DGKD: variants seen among roughly 807,000 people sequenced by gnomAD.
The protein encoded by DGKD is diacylglycerol kinase delta, also known as DAG kinase delta.
Under a neutral mutation model 154.4 loss-of-function variants are expected in DGKD, and 68 were observed. The observed-to-expected ratio is 0.44, with a 90% confidence interval of 0.36 to 0.54. The LOEUF (loss-of-function observed/expected upper bound fraction) is 0.54, where lower values mean the gene tolerates loss of function less well. DGKD is among the 20% of genes least tolerant of loss of function. The pLI, the probability that DGKD is intolerant of heterozygous loss-of-function variation, is 0.00. For missense variants in DGKD, 1,343 were observed against 1,593.6 expected, an observed-to-expected ratio of 0.84 and a Z score of 2.68; for synonymous variants, 693 against 638.0, an observed-to-expected ratio of 1.09 and a Z score of -1.30.
At position 233,457,069 on chromosome 2, in the gene DGKD, C is replaced by A; in HGVS notation, c.2472+74C>A. 1.4e-6 allele frequency: 2 copies of A among 1,392,558 alleles called. No individual in the cohort carries two copies. Among genetic ancestry groups the A allele is most frequent in the South Asian group, 1.2e-5 (1 of 86,288 alleles). 86.3% of individuals were successfully genotyped at this position (1,392,558 alleles called of 1,614,324 possible). A position where few individuals can be genotyped will look rare whatever the true frequency, so the allele number is the denominator to read the frequency against. On this transcript the variant is annotated intron_variant, in intron 20 of 29. Coordinates refer to ENST00000264057, the MANE Select transcript of DGKD (RefSeq NM_152879.3). The surrounding 1 kb of genome is among the most constrained non-coding windows in gnomAD (Gnocchi z 5.5). The stretch of plus-strand genomic sequence containing the variant: ...CAGACTGCCAGGCCTATTGCTTCTC[C>A]TGTTGACCATTTCCTCCATGCACAG...
In DGKD at chr2:233,445,240, G is replaced by T. The variant is rs1037168545; in HGVS notation, c.1195-383G>T. ...TGTAGTGGATGGAGGGACGGGTGGCGAGGCATCAGAGTGATTCCTTGGGGC... is the reference window on the plus strand; with the variant it reads ...TGTAGTGGATGGAGGGACGGGTGGCTAGGCATCAGAGTGATTCCTTGGGGC... On this transcript the variant is annotated intron_variant, in intron 10 of 29. Coordinates refer to ENST00000264057, the MANE Select transcript of DGKD (RefSeq NM_152879.3). The surrounding 1 kb of genome is among the most constrained non-coding windows in gnomAD (Gnocchi z 5.5). Among the ~76,000 whole-genome samples the T allele has an allele frequency of 6.6e-6, 1 of 152,028 alleles. No individual in the cohort carries two copies. Among genetic ancestry groups the T allele is most frequent in the Admixed American group, 6.5e-5 (1 of 15,268 alleles).
intron 1 of DGKD, among the ~76,000 whole-genome samples, chr2:233,384,701 C>T (rs1703081355): frequency 6.6e-6 from 1 of 152,190 alleles, no homozygotes; most frequent in Non-Finnish European, 1.5e-5. Flanking sequence ...AGACTCTTGT[C>T]ATCAGCTCCC....
rs2063752288 is a variant in DGKD at position 233,464,091 on chromosome 2, CA to C, written c.3187-72del. The C allele has an allele frequency of 6.3e-6, 10 of 1,594,156 alleles. No individual in the cohort carries two copies. The Admixed American group carries it at 1.7e-4, about 27-fold the overall frequency. On this transcript the variant is annotated intron_variant, in intron 26 of 29. Transcript: ENST00000264057. ...CAGAGCAGAGCCCTGGAGCGGACCT[CA>C]CCCCCCTGGGCCTCGCGCTGATCAG... is the stretch of plus-strand genomic sequence containing the variant.
At chr2:233,363,995 C>T (rs1189474603) in intron 1 of DGKD, among the ~76,000 whole-genome samples, 1 of 152,094 alleles carries the variant, frequency 6.6e-6, no homozygotes, top group Non-Finnish European at 1.5e-5. Flanking sequence ...CGTTGAAAAC[C>T]ATAGATGAAG....
In DGKD at chr2:233,459,823, T is replaced by C; in HGVS notation, c.2761T>C (p.Trp921Arg). The change falls in exon 23 of 30, where the codon TGG becomes CGG. Residue 921 changes from tryptophan (W) to arginine (R), a missense_variant. This residue lies in a region of DGKD where 429 missense variants were observed against 496.3 expected (regional missense o/e 0.86). Transcript: ENST00000264057. The surrounding 1 kb of genome is among the most constrained non-coding windows in gnomAD (Gnocchi z 5.7). ...GCCTGTGCAGGTGGACGGAGAGGCC[T>C]GGGTCCAGCCGCCAGGGTACATTCG... Reference protein sequence around the residue: ...GVPVQVDGEAWVQPPGYIRIV... With the variant: ...GVPVQVDGEARVQPPGYIRIV... 2 of 1,614,050 alleles carry C rather than the reference T, an allele frequency of 1.2e-6. No individual in the cohort carries two copies. The highest frequency in any genetic ancestry group is 1.7e-6 in the Non-Finnish European group (2 of 1,180,002).
At chr2:233,426,430 G>A (rs573984680) in intron 3 of DGKD, among the ~76,000 whole-genome samples, 23 of 152,322 alleles carry the variant, frequency 1.5e-4, no homozygotes, top group African/African-American at 5.1e-4. Context: ...CGACCACGGA[G>A]AACACTGCAG....
chr2:233,442,196 G>A (rs756426842), intron 10 of DGKD: 3 of 688,436 alleles, frequency 4.4e-6, no homozygotes, highest in Non-Finnish European at 8.0e-6. Flanking sequence ...GGAGGCCCGG[G>A]GGCTCTGGCC....
At chr2:233,426,934 T>TCC (rs1217878516) in intron 3 of DGKD, among the ~76,000 whole-genome samples, 1 of 152,174 alleles carries the variant, frequency 6.6e-6, no homozygotes, top group Middle Eastern at 3.2e-3. Flanking sequence ...GAGCACCGGG[T>TCC]CATGTGCTTT....
chr2:233,421,034 C>T (rs138889836), intron 3 of DGKD, among the ~76,000 whole-genome samples: 4 of 152,252 alleles, frequency 2.6e-5, no homozygotes, highest in African/African-American at 4.8e-5. Context: ...GCAGTGGTCA[C>T]GTATGAGTGA....
Position 233,451,951 on chromosome 2 carries a change from ATC to A in DGKD, c.2168-10_2168-9del. 1 of 1,613,264 alleles carries A rather than the reference ATC, an allele frequency of 6.2e-7. No homozygotes were observed. The highest frequency in any genetic ancestry group is 2.2e-5 in the East Asian group (1 of 44,874). On this transcript the variant is annotated splice_polypyrimidine_tract_variant and intron_variant, in intron 17 of 29. Coordinates refer to ENST00000264057, the MANE Select transcript of DGKD (RefSeq NM_152879.3). The stretch of plus-strand genomic sequence containing the variant: ...CTGACCAGCACCACCTCTTTCTTGT[ATC>A]TCCTTTACAGATGTCCGGGCTGGAA...
In DGKD at chr2:233,438,498, C is replaced by A. The variant is rs2062773338; in HGVS notation, c.1085+119C>A. 3 of 1,258,680 alleles carry A rather than the reference C, an allele frequency of 2.4e-6. No individual in the cohort carries two copies. In the South Asian group the frequency reaches 4.7e-5, roughly 20 times the overall value. 78.0% of individuals were successfully genotyped at this position (1,258,680 alleles called of 1,614,324 possible). A position where few individuals can be genotyped will look rare whatever the true frequency, so the allele number is the denominator to read the frequency against. Reference sequence around the variant, plus strand: ...CTTTAAATAGGAAAGAAAAGTTGAACTGCTTCCTTCCCAAATTGCACTTGC... The same window carrying A: ...CTTTAAATAGGAAAGAAAAGTTGAAATGCTTCCTTCCCAAATTGCACTTGC... On this transcript the variant is annotated intron_variant, in intron 9 of 29. Coordinates refer to ENST00000264057, the MANE Select transcript of DGKD (RefSeq NM_152879.3). This position sits in a 1 kb window ranked among gnomAD's most constrained non-coding sequence, Gnocchi z 4.1.
chr2:233,436,336 G>C lies in DGKD; in HGVS notation c.714G>C (p.Trp238Cys). 1 of 1,614,242 alleles carries C rather than the reference G, an allele frequency of 6.2e-7. No homozygotes were observed. Among genetic ancestry groups the C allele is most frequent in the Non-Finnish European group, 8.5e-7 (1 of 1,180,040 alleles). The change falls in exon 7 of 30, where the codon TGG becomes TGC. Residue 238 changes from tryptophan to cysteine, a missense_variant. Transcript: ENST00000264057. ...DADGIAMPHQ[W>C]LEGNLPVSAK... ...TGCAGATTGCAATGCCCCACCAGTG[G>C]TTGGAAGGAAACCTACCTGTGAGCG...
chr2:233,396,187 C>CA lies in DGKD; in HGVS notation c.348+5705dup, dbSNP rs535149612. 7.0e-3 allele frequency among the ~76,000 whole-genome samples: 1,071 copies of CA among 152,290 alleles called. 7 individuals carry two copies. The highest frequency in any genetic ancestry group is 0.012 in the Non-Finnish European group (826 of 68,024). On this transcript the variant is annotated intron_variant, in intron 3 of 29. Transcript: ENST00000264057. ...TTGAAGGCATTTCTGCTCGGAGACT[C>CA]AGAGTTGCCTTCTCTCTTGTGCAAT...
intron 19 of DGKD, among the ~76,000 whole-genome samples, chr2:233,455,291 C>G (rs897420958): frequency 7.9e-5 from 12 of 152,250 alleles, no homozygotes; most frequent in African/African-American, 2.9e-4. Flanking sequence ...AGCCTGCCCA[C>G]AAGGCCCTTG....
At chr2:233,455,581 G>A (rs1478168885) in intron 19 of DGKD, among the ~76,000 whole-genome samples, 1 of 152,244 alleles carries the variant, frequency 6.6e-6, no homozygotes, top group East Asian at 1.9e-4. Flanking sequence ...GAACTACAGA[G>A]AGGGAGAAAT....
At chr2:233,377,608 A>G (rs1040526854) in intron 1 of DGKD, among the ~76,000 whole-genome samples, 2 of 152,214 alleles carry the variant, frequency 1.3e-5, no homozygotes, top group African/African-American at 4.8e-5. Context: ...AGCCTTGTAC[A>G]AACTTTTTTT....
At position 233,388,338 on chromosome 2, in the gene DGKD, C is replaced by A. The variant is rs777123239; in HGVS notation, c.238C>A (p.Arg80=). Residue 80 remains arginine, a synonymous_variant, in exon 2 of 30, where the codon CGA becomes AGA. Coordinates refer to ENST00000264057, the MANE Select transcript of DGKD (RefSeq NM_152879.3). ...SKRRYFKLRG[R]TLYYAKTAKS... ...AAGGAGATACTTTAAGCTTCGAGGG[C>A]GAACGCTTTACTATGCCAAAACGGC... 1.9e-6 allele frequency: 3 copies of A among 1,613,926 alleles called. No homozygotes were observed. Among genetic ancestry groups the A allele is most frequent in the Non-Finnish European group, 2.5e-6 (3 of 1,179,930 alleles).
At chr2:233,357,533 C>CTT (rs1701581973) in intron 1 of DGKD, among the ~76,000 whole-genome samples, 1 of 142,720 alleles carries the variant, frequency 7.0e-6, no homozygotes, top group African/African-American at 2.7e-5. Flanking sequence ...TTCTTTCTTT[C>CTT]TTTCTTTTTT....
At position 233,438,183 on chromosome 2, in the gene DGKD, C is replaced by T. The variant is rs1559548369; in HGVS notation, c.923-34C>T. The T allele has an allele frequency of 1.2e-6, 2 of 1,608,728 alleles. No individual in the cohort carries two copies. Among genetic ancestry groups the T allele is most frequent in the Non-Finnish European group, 1.7e-6 (2 of 1,176,820 alleles). On this transcript the variant is annotated intron_variant, in intron 8 of 29. Coordinates refer to ENST00000264057, the MANE Select transcript of DGKD (RefSeq NM_152879.3). The surrounding 1 kb of genome is among the most constrained non-coding windows in gnomAD (Gnocchi z 4.1). Reference sequence around the variant, plus strand: ...TGGTGCCCTCAGCGTCTTCCGTGGCCTATATATTTTCTTCTGTTCGTTCTT... The same window carrying T: ...TGGTGCCCTCAGCGTCTTCCGTGGCTTATATATTTTCTTCTGTTCGTTCTT...
Sources: allele counts gnomAD v4.1 joint callset (sites outside exome capture counted in the v4.1 genomes callset), GRCh38; gene constraint gnomAD v4.1.1; regional missense constraint gnomAD v4.1.1; non-coding constraint Gnocchi (gnomAD v3.1); transcripts MANE v1.5; gene names NCBI Gene and HGNC (gene_info 2026-07-23, HGNC 2026-07-21).